KAT6A: variants seen among roughly 807,000 people sequenced by gnomAD.
The protein encoded by KAT6A is histone acetyltransferase KAT6A.
In KAT6A, 9 loss-of-function variants were observed where a neutral mutation model predicts 198.4. The ratio of observed to expected loss-of-function variants is 0.05; its 90% confidence interval spans 0.03 to 0.08. The LOEUF (loss-of-function observed/expected upper bound fraction) is 0.08. Ranked by LOEUF, KAT6A falls within the 10% of genes least tolerant of loss-of-function variation. The probability of loss-of-function intolerance (pLI) is 1.00; values close to 1 mark genes in which losing one functional copy is unlikely to be tolerated. For missense variants in KAT6A, 2,077 were observed against 2,509.9 expected, an observed-to-expected ratio of 0.83 and a Z score of 3.69; for synonymous variants, 890 against 883.0, an observed-to-expected ratio of 1.01 and a Z score of -0.14.
chr8:42,017,289 T>A (rs975063585), intron 2 of KAT6A, among the ~76,000 whole-genome samples: 1 of 152,220 alleles, frequency 6.6e-6, no homozygotes, highest in Non-Finnish European at 1.5e-5. Flanking sequence ...CAAACCACTA[T>A]GAGCCAGGCC....
intron 16 of KAT6A, among the ~76,000 whole-genome samples, chr8:41,935,191 A>C (rs942553945): frequency 2.0e-5 from 3 of 152,234 alleles, no homozygotes; most frequent in Non-Finnish European, 4.4e-5. Context: ...CATCATCTGT[A>C]AAATGGAGAT....
chr8:41,990,401 G>A (rs1824875867), intron 2 of KAT6A, among the ~76,000 whole-genome samples: 2 of 152,268 alleles, frequency 1.3e-5, no homozygotes, highest in South Asian at 4.1e-4. Flanking sequence ...AGACTGGGAA[G>A]ACAGCACTAA....
In KAT6A at chr8:42,025,428, G is replaced by A. The variant is rs756645004; in HGVS notation, c.600+22950C>T. 1.3e-4 allele frequency among the ~76,000 whole-genome samples: 10 copies of A among 77,058 alleles called. No individual in the cohort carries two copies. The East Asian group carries it at 2.9e-3, about 22-fold the overall frequency. 50.6% of individuals were successfully genotyped at this position (77,058 alleles called of 152,430 possible). A position where few individuals can be genotyped will look rare whatever the true frequency, so the allele number is the denominator to read the frequency against. ...GGGTTTCGCCATGTTGGGTAGGCTG[G>A]TCTCGAACTCCTACACCTCAGGTGA... On this transcript the variant is annotated intron_variant, in intron 2 of 16. Coordinates refer to ENST00000265713, the MANE Select transcript of KAT6A (RefSeq NM_006766.5).
chr8:41,967,198 A>G (rs1294163363), intron 8 of KAT6A, among the ~76,000 whole-genome samples: 1 of 151,940 alleles, frequency 6.6e-6, no homozygotes, highest in Non-Finnish European at 1.5e-5. Context: ...AAATCATTCT[A>G]TATATTTCAA....
At chr8:41,949,993 T>C (rs1822587721) in intron 9 of KAT6A, among the ~76,000 whole-genome samples, 1 of 152,212 alleles carries the variant, frequency 6.6e-6, no homozygotes, top group Non-Finnish European at 1.5e-5. Context: ...ATACTATTAC[T>C]AAACATCTAT....
chr8:41,990,502 T>C lies in KAT6A; in HGVS notation c.601-2939A>G, dbSNP rs540158592. ...TATCCAGCATAAAGAACTTTTTACA[T>C]TGCAGTAAGGAAGAGGCGGACAGTT... On this transcript the variant is annotated intron_variant, in intron 2 of 16. Transcript: ENST00000265713. Among the ~76,000 whole-genome samples the C allele has an allele frequency of 9.2e-5, 14 of 152,240 alleles. No individual in the cohort carries two copies. In the South Asian group the frequency reaches 2.5e-3, roughly 27 times the overall value.
intron 2 of KAT6A, among the ~76,000 whole-genome samples, chr8:42,044,351 T>C (rs979481495): frequency 5.9e-5 from 9 of 151,766 alleles, no homozygotes; most frequent in Admixed American, 3.3e-4. Flanking sequence ...CACCCCCCCC[T>C]CGGCATCCCA....
At chr8:41,960,924 C>A (rs1286640215) in intron 8 of KAT6A, among the ~76,000 whole-genome samples, 1 of 152,140 alleles carries the variant, frequency 6.6e-6, no homozygotes, top group African/African-American at 2.4e-5. Flanking sequence ...AAAATCCTAA[C>A]CCCTGTTAAA....
chr8:41,979,580 C>G (rs1480571743), intron 5 of KAT6A, among the ~76,000 whole-genome samples: 1 of 151,412 alleles, frequency 6.6e-6, no homozygotes, highest in Non-Finnish European at 1.5e-5. Context: ...GAGATTCCAA[C>G]TCCAAAAAAA....
At chr8:42,029,589 G>T (rs1827006367) in intron 2 of KAT6A, among the ~76,000 whole-genome samples, 2 of 146,586 alleles carry the variant, frequency 1.4e-5, no homozygotes. Flanking sequence ...TTTTGAAACA[G>T]GTTCTCACTC....
chr8:41,952,394 C>G (rs1367678036), intron 9 of KAT6A, among the ~76,000 whole-genome samples: 1 of 152,168 alleles, frequency 6.6e-6, no homozygotes, highest in Non-Finnish European at 1.5e-5. Flanking sequence ...ATCATAATTT[C>G]TTTTGCCTTA....
chr8:41,967,869 G>A (rs980387043), intron 8 of KAT6A, among the ~76,000 whole-genome samples: 1 of 152,040 alleles, frequency 6.6e-6, no homozygotes, highest in Non-Finnish European at 1.5e-5. Flanking sequence ...AACAAGCAAT[G>A]GGGAAAGGAT....
intron 2 of KAT6A, among the ~76,000 whole-genome samples, chr8:42,047,602 G>C (rs1335467092): frequency 6.6e-6 from 1 of 151,924 alleles, no homozygotes; most frequent in Non-Finnish European, 1.5e-5. Flanking sequence ...GTGGACGTGG[G>C]GTCTCGCTAT....
chr8:41,938,954 G>GAAAAA (rs894664976), intron 15 of KAT6A, among the ~76,000 whole-genome samples: 20 of 75,674 alleles, frequency 2.6e-4, no homozygotes, highest in Admixed American at 4.6e-4. Context: ...TCTGGGGAAG[G>GAAAAA]AAAAAAAAAA....
intron 2 of KAT6A, among the ~76,000 whole-genome samples, chr8:42,043,948 G>C (rs1001445825): frequency 6.6e-6 from 1 of 152,144 alleles, no homozygotes; most frequent in Non-Finnish European, 1.5e-5. Context: ...ACAGTAGCTA[G>C]TTATGTTAGA....
At chr8:41,937,966 G>A (rs1262482146) in intron 15 of KAT6A, among the ~76,000 whole-genome samples, 1 of 152,156 alleles carries the variant, frequency 6.6e-6, no homozygotes, top group Non-Finnish European at 1.5e-5. Flanking sequence ...CTACTGTGAA[G>A]GTTTGCAGAA....
chr8:41,948,901 A>AT (rs1822528818), intron 10 of KAT6A, among the ~76,000 whole-genome samples: 2 of 151,068 alleles, frequency 1.3e-5, no homozygotes, highest in East Asian at 1.9e-4. Flanking sequence ...CAGAGGTCAC[A>AT]CATCATCATC....
chr8:42,015,552 A>G (rs539089749), intron 2 of KAT6A, among the ~76,000 whole-genome samples: 1 of 152,220 alleles, frequency 6.6e-6, no homozygotes, highest in Non-Finnish European at 1.5e-5. Flanking sequence ...TTTGCTGCCA[A>G]ACCACAACCT....
intron 2 of KAT6A, among the ~76,000 whole-genome samples, chr8:42,040,735 CAAAAAAA>C (rs59959496): frequency 0.11 from 5,974 of 54,534 alleles, 132 homozygotes; most frequent in East Asian, 0.22. Context: ...GACTCTGTCT[CAAAAAAA>C]AAAAAAAAAA....
Sources: allele counts gnomAD v4.1 joint callset (sites outside exome capture counted in the v4.1 genomes callset), GRCh38; gene constraint gnomAD v4.1.1; transcripts MANE v1.5; gene names NCBI Gene and HGNC (gene_info 2026-07-23, HGNC 2026-07-21).